CSMD1: variants seen among roughly 807,000 people sequenced by gnomAD.
The protein encoded by CSMD1 is CUB and Sushi multiple domains 1, also known as CUB and sushi domain-containing protein 1.
A neutral mutation model predicts 417.5 loss-of-function variants in CSMD1; 213 were observed. The observed-to-expected ratio is 0.51, with a 90% CI of 0.46 to 0.57. The LOEUF is 0.57. Among genes scored for constraint, CSMD1 ranks in the 20% least tolerant of loss-of-function variants. The probability of loss-of-function intolerance (pLI) is 0.00; values close to 1 mark genes in which losing one functional copy is unlikely to be tolerated. For synonymous variants in CSMD1, 2,862 were observed against 1,736.8 expected, an observed-to-expected ratio of 1.65 and a Z score of -16.11; for missense variants, 6,923 against 4,529.7, an observed-to-expected ratio of 1.53 and a Z score of -15.17.
chr8:3,491,486 T>C (rs73174899), intron 11 of CSMD1, among the ~76,000 whole-genome samples: 11,478 of 152,248 alleles, frequency 0.075, 450 homozygotes, highest in African/African-American at 0.096. Flanking sequence ...ATCATTATTA[T>C]AATAAGTTGT....
At chr8:3,201,841 G>T in intron 31 of CSMD1, 116 bp from the exon 32 acceptor site, 4 of 347,066 alleles carry the variant, frequency 1.2e-5, no homozygotes, top group Admixed American at 7.0e-5. Context: ...CTAAGAATTT[G>T]GTAAAAAAAT....
intron 7 of CSMD1, among the ~76,000 whole-genome samples, chr8:3,623,901 C>G (rs1332934289): frequency 1.3e-5 from 2 of 151,844 alleles, no homozygotes; most frequent in Non-Finnish European, 2.9e-5. Context: ...CGCTTGAACC[C>G]GGGAGGCGGA....
intron 5 of CSMD1, among the ~76,000 whole-genome samples, chr8:3,846,612 G>T (rs192832243): frequency 2.0e-3 from 312 of 152,242 alleles, no homozygotes; most frequent in African/African-American, 7.2e-3. Context: ...AACATTAGCA[G>T]TTATTATCAT....
intron 5 of CSMD1, among the ~76,000 whole-genome samples, chr8:3,937,061 A>T (rs529552462): frequency 1.1e-4 from 16 of 152,332 alleles, no homozygotes; most frequent in African/African-American, 3.8e-4. Context: ...ACAGCAAGAG[A>T]AACAGAATTA....
intron 5 of CSMD1, among the ~76,000 whole-genome samples, chr8:3,828,315 C>A (rs1034789156): frequency 6.6e-6 from 1 of 152,148 alleles, no homozygotes; most frequent in African/African-American, 2.4e-5. Flanking sequence ...CCTGTCTCAG[C>A]TTTCACTTAA....
intron 10 of CSMD1, among the ~76,000 whole-genome samples, chr8:3,547,678 T>C (rs767341640): frequency 7.2e-5 from 11 of 152,208 alleles, no homozygotes; most frequent in Non-Finnish European, 1.5e-4. Flanking sequence ...CTACAACCTT[T>C]CTTTGGAGTT....
chr8:3,656,168 G>A (rs933908474), intron 7 of CSMD1, among the ~76,000 whole-genome samples: 2 of 152,184 alleles, frequency 1.3e-5, no homozygotes, highest in Non-Finnish European at 2.9e-5. Flanking sequence ...TGTATGTACA[G>A]CTCAAGTGAG....
intron 2 of CSMD1, among the ~76,000 whole-genome samples, chr8:4,522,263 G>T (rs1585197990): frequency 6.6e-6 from 1 of 152,132 alleles, no homozygotes; most frequent in Non-Finnish European, 1.5e-5. Context: ...CACATAAGAC[G>T]TGACTTGCTC....
intron 5 of CSMD1, among the ~76,000 whole-genome samples, chr8:3,756,901 T>C (rs1445620873): frequency 6.6e-6 from 1 of 152,062 alleles, no homozygotes; most frequent in African/African-American, 2.4e-5. Context: ...GCTCAAGCCA[T>C]CCGCTTGCCT....
chr8:4,924,843 G>A (rs1309619457), intron 1 of CSMD1, among the ~76,000 whole-genome samples: 2 of 151,122 alleles, frequency 1.3e-5, no homozygotes, highest in East Asian at 1.9e-4. Context: ...ATTACAGTTC[G>A]GGAAGAAAAT....
At chr8:4,037,345 G>C (rs1194074862) in intron 3 of CSMD1, among the ~76,000 whole-genome samples, 3 of 152,190 alleles carry the variant, frequency 2.0e-5, no homozygotes, top group African/African-American at 7.2e-5. Flanking sequence ...CCAAGCACTT[G>C]AAGTGAGCAC....
chr8:4,747,570 T>C (rs1341141447), intron 1 of CSMD1, among the ~76,000 whole-genome samples: 2 of 152,214 alleles, frequency 1.3e-5, no homozygotes, highest in Non-Finnish European at 2.9e-5. Flanking sequence ...GGTGACTATA[T>C]TGTCACCTGC....
At chr8:3,904,329 G>A (rs1355561926) in intron 5 of CSMD1, among the ~76,000 whole-genome samples, 1 of 151,852 alleles carries the variant, frequency 6.6e-6, no homozygotes, top group African/African-American at 2.4e-5. Context: ...ATCAAGCCCA[G>A]TCCTACAAAT....
chr8:3,965,634 T>A (rs1055510253), intron 5 of CSMD1, among the ~76,000 whole-genome samples: 4 of 150,856 alleles, frequency 2.7e-5, no homozygotes, highest in African/African-American at 9.9e-5. Context: ...TTATTTATTT[T>A]TGAAATGGAG....
Position 3,407,827 on chromosome 8 carries a change from T to C in CSMD1, c.2071+72A>G, listed in dbSNP as rs1312691895. ...ATCAACCTTGAAATGCAACTTCACATACATATAAGCAAAATGGGAACATGT... is the reference window on the plus strand; with the variant it reads ...ATCAACCTTGAAATGCAACTTCACACACATATAAGCAAAATGGGAACATGT... On this transcript the variant is annotated intron_variant, in intron 14 of 69. Transcript: ENST00000635120. 4 of 1,328,106 alleles carry C rather than the reference T, an allele frequency of 3.0e-6. 1 individual carries two copies. The East Asian group carries it at 1.0e-4, about 33-fold the overall frequency. The allele number at this position is 1,328,106 out of a possible 1,614,324, so 82.3% of individuals were successfully genotyped here.
chr8:4,113,539 G>T (rs530783735), intron 3 of CSMD1, among the ~76,000 whole-genome samples: 1 of 151,912 alleles, frequency 6.6e-6, no homozygotes, highest in East Asian at 1.9e-4. Context: ...TGAGTAGCTG[G>T]GATTACAGGC....
chr8:4,987,164 A>T (rs1811220605), intron 1 of CSMD1, among the ~76,000 whole-genome samples: 1 of 152,200 alleles, frequency 6.6e-6, no homozygotes, highest in Non-Finnish European at 1.5e-5. Context: ...GGGCGTGGGT[A>T]GAAAATAAAT....
intron 26 of CSMD1, among the ~76,000 whole-genome samples, chr8:3,233,315 C>A (rs149437486): frequency 2.1e-3 from 317 of 152,262 alleles, no homozygotes; most frequent in Middle Eastern, 0.01. Flanking sequence ...GGAAGAGTGA[C>A]CTGAGCTGGC....
rs989387215 is a variant in CSMD1 at position 4,288,902 on chromosome 8, T to G, written c.415+131051A>C. On this transcript the variant is annotated intron_variant, in intron 3 of 69. Coordinates refer to ENST00000635120, the MANE Select transcript of CSMD1 (RefSeq NM_033225.6). ...TAAATATTAGTTACTTAACAACTAC[T>G]TTTAAAGTCCTCATTCCATATATAA... 1.4e-4 allele frequency among the ~76,000 whole-genome samples: 21 copies of G among 152,180 alleles called. No individual in the cohort carries two copies. In the South Asian group the frequency reaches 1.7e-3, roughly 12 times the overall value.
Sources: gnomAD v4.1 joint callset for allele counts (sites outside exome capture counted in the v4.1 genomes callset) on GRCh38, gnomAD v4.1.1 for gene constraint, MANE v1.5 for transcripts, NCBI Gene and HGNC (gene_info 2026-07-23, HGNC 2026-07-21) for gene names.